MEIS1: variants seen among roughly 807,000 people sequenced by gnomAD.
MEIS1 encodes Meis homeobox 1, also known as homeobox protein Meis1.
Under a neutral mutation model 50.8 loss-of-function variants are expected in MEIS1, and 5 were observed. That is an observed-to-expected ratio of 0.10 (90% CI 0.05 to 0.21). MEIS1 has a LOEUF of 0.21. Ranked by LOEUF, MEIS1 falls within the 10% of genes least tolerant of loss-of-function variation. The pLI, the probability that MEIS1 is intolerant of heterozygous loss-of-function variation, is 1.00. For missense variants in MEIS1, 318 were observed against 517.3 expected, an observed-to-expected ratio of 0.61 and a Z score of 3.74; for synonymous variants, 176 against 179.3, an observed-to-expected ratio of 0.98 and a Z score of 0.15.
intron 7 of MEIS1, among the ~76,000 whole-genome samples, chr2:66,492,653 G>A (rs1673300817): frequency 6.6e-6 from 1 of 152,156 alleles, no homozygotes; most frequent in African/African-American, 2.4e-5. Context: ...GTTCTTTCTT[G>A]GAGACTCCTA....
chr2:66,435,816 A>T lies in MEIS1; in HGVS notation c.-41A>T. 5 of 1,491,036 alleles carry T rather than the reference A, an allele frequency of 3.4e-6. No individual in the cohort carries two copies. Among genetic ancestry groups the T allele is most frequent in the East Asian group, 2.6e-5 (1 of 39,106 alleles). The allele number at this position is 1,491,036 out of a possible 1,614,324, so 92.4% of individuals were successfully genotyped here. A position where few individuals can be genotyped will look rare whatever the true frequency, so the allele number is the denominator to read the frequency against. The stretch of plus-strand genomic sequence containing the variant: ...TCTTTTCACACTGGCCTTAAAGAGG[A>T]TATATTAGAAGTTGAAGTAGGAAGG... On this transcript the variant is annotated 5_prime_UTR_variant, in exon 1 of 13. Transcript: ENST00000272369.
chr2:66,491,893 G>A (rs901971303), intron 7 of MEIS1, among the ~76,000 whole-genome samples: 3 of 152,052 alleles, frequency 2.0e-5, no homozygotes, highest in East Asian at 1.9e-4. Context: ...TATTAGCACC[G>A]TCCAAATGAT....
chr2:66,512,476 T>G (rs537407470), intron 8 of MEIS1, among the ~76,000 whole-genome samples, 182 bp downstream of exon 8: 8 of 152,334 alleles, frequency 5.3e-5, no homozygotes, highest in Admixed American at 4.6e-4. Context: ...ATGAGAAATT[T>G]TATTTAAAAT....
chr2:66,498,695 T>C (rs533642654), intron 7 of MEIS1, among the ~76,000 whole-genome samples: 4 of 152,122 alleles, frequency 2.6e-5, no homozygotes, highest in Non-Finnish European at 5.9e-5. Context: ...CTGGAGGCTG[T>C]CCCCACGTCC....
intron 8 of MEIS1, among the ~76,000 whole-genome samples, chr2:66,543,883 T>A (rs548769743): frequency 1.1e-3 from 161 of 152,352 alleles, no homozygotes; most frequent in Non-Finnish European, 1.8e-3. Flanking sequence ...TCACTGTCTA[T>A]GGGACTGTGG....
chr2:66,567,420 GA>G, intron 9 of MEIS1, 32 bp from the exon 10 acceptor site: 1 of 1,606,206 alleles, frequency 6.2e-7, no homozygotes, highest in Non-Finnish European at 8.5e-7. Flanking sequence ...TATTTTTAAG[GA>G]ATAACGATTT....
chr2:66,553,015 G>A (rs942782821), intron 9 of MEIS1, among the ~76,000 whole-genome samples: 1 of 152,074 alleles, frequency 6.6e-6, no homozygotes, highest in African/African-American at 2.4e-5. Flanking sequence ...ACAGAGGTAT[G>A]ACACAAAAGC....
intron 8 of MEIS1, among the ~76,000 whole-genome samples, chr2:66,527,776 C>T (rs1558551436): frequency 6.6e-6 from 1 of 152,074 alleles, no homozygotes; most frequent in Non-Finnish European, 1.5e-5. Context: ...CAGGAAAAAG[C>T]AACTTTCAAA....
intron 8 of MEIS1, among the ~76,000 whole-genome samples, chr2:66,541,258 C>T (rs1442251226): frequency 3.3e-5 from 5 of 151,948 alleles, no homozygotes; most frequent in Non-Finnish European, 5.9e-5. Context: ...AGGATGGTCT[C>T]GATCTCCTGA....
At chr2:66,440,339 A>AC in intron 3 of MEIS1, 1 of 605,228 alleles carries the variant, frequency 1.7e-6, no homozygotes, top group Admixed American at 2.9e-5. Flanking sequence ...CGTAGTTGCT[A>AC]GTAGAAGTAA....
chr2:66,566,430 T>A (rs1558566634), intron 9 of MEIS1, among the ~76,000 whole-genome samples: 1 of 152,146 alleles, frequency 6.6e-6, no homozygotes, highest in African/African-American at 2.4e-5. Flanking sequence ...TTTCATTGTA[T>A]TTTTTATGTC....
chr2:66,489,612 T>C (rs578165889), intron 7 of MEIS1, among the ~76,000 whole-genome samples: 1 of 152,348 alleles, frequency 6.6e-6, no homozygotes, highest in East Asian at 1.9e-4. Context: ...TGCACAGTGC[T>C]GCAAAAGCAT....
chr2:66,520,855 G>T (rs954970714), intron 8 of MEIS1, among the ~76,000 whole-genome samples: 44 of 152,314 alleles, frequency 2.9e-4, no homozygotes, highest in African/African-American at 1.0e-3. Context: ...GGCTGAGCTT[G>T]AACCAGGATC....
At chr2:66,486,530 G>A (rs1673147116) in intron 7 of MEIS1, among the ~76,000 whole-genome samples, 1 of 152,170 alleles carries the variant, frequency 6.6e-6, no homozygotes, top group East Asian at 1.9e-4. Context: ...GTCAGGTAGT[G>A]TGATGCCTCC....
chr2:66,552,419 A>T (rs1674944087), intron 9 of MEIS1, among the ~76,000 whole-genome samples: 1 of 152,216 alleles, frequency 6.6e-6, no homozygotes, highest in Admixed American at 6.5e-5. Context: ...GTGTATGTGA[A>T]ATACAGTATT....
At chr2:66,547,879 T>C in intron 8 of MEIS1, 64 bp from the exon 9 acceptor site, 1 of 1,500,262 alleles carries the variant, frequency 6.7e-7, no homozygotes, top group Non-Finnish European at 9.3e-7. Flanking sequence ...ATGAGACACT[T>C]AGGCTATTGA....
chr2:66,502,956 A>G (rs950617343), intron 7 of MEIS1, among the ~76,000 whole-genome samples: 1 of 152,190 alleles, frequency 6.6e-6, no homozygotes, highest in Non-Finnish European at 1.5e-5. Context: ...AGCATCCACA[A>G]CTGGCTTCTA....
intron 7 of MEIS1, among the ~76,000 whole-genome samples, chr2:66,503,175 T>C (rs1673598179): frequency 6.6e-6 from 1 of 152,156 alleles, no homozygotes; most frequent in Admixed American, 6.5e-5. Flanking sequence ...ATTTACATCA[T>C]ATTAGGGCAC....
At chr2:66,504,634 T>A (rs1342832693) in intron 7 of MEIS1, among the ~76,000 whole-genome samples, 1 of 152,222 alleles carries the variant, frequency 6.6e-6, no homozygotes, top group Non-Finnish European at 1.5e-5. Flanking sequence ...GGAAGCTTAT[T>A]GAGCCATTTC....
Sources: allele counts gnomAD v4.1 joint callset (sites outside exome capture counted in the v4.1 genomes callset), GRCh38; gene constraint gnomAD v4.1.1; transcripts MANE v1.5; gene names NCBI Gene and HGNC (gene_info 2026-07-23, HGNC 2026-07-21).